PREP: variants seen among roughly 807,000 people sequenced by gnomAD.
PREP encodes the protein prolyl endopeptidase.
In PREP, 29 loss-of-function variants were observed where a neutral mutation model predicts 87.6. The ratio of observed to expected loss-of-function variants is 0.33; its 90% CI spans 0.25 to 0.45. The LOEUF is 0.45. Among genes scored for constraint, PREP ranks in the 20% least tolerant of loss-of-function variants. The pLI is 1.00. For missense variants in PREP, 695 were observed against 886.5 expected (o/e 0.78, Z 2.74); for synonymous variants, 337 against 328.6 (o/e 1.03, Z -0.28).
At chr6:105,339,208 C>A (rs996961676) in intron 7 of PREP, among the ~76,000 whole-genome samples, 1 of 152,192 alleles carries the variant, frequency 6.6e-6, no homozygotes, top group Non-Finnish European at 1.5e-5. Flanking sequence ...GATCAGGCAG[C>A]AACATTCGCC....
intron 4 of PREP, among the ~76,000 whole-genome samples, chr6:105,375,577 C>T (rs928455420): frequency 1.3e-5 from 2 of 152,186 alleles, no homozygotes; most frequent in Non-Finnish European, 2.9e-5. Flanking sequence ...AGTCTTTAAA[C>T]CTCCATCTTC....
At chr6:105,302,456 G>C in intron 10 of PREP, 1 of 274,476 alleles carries the variant, frequency 3.6e-6, no homozygotes, top group Admixed American at 4.8e-5. Flanking sequence ...GTGACGTTCA[G>C]GCGTTCACTG....
intron 2 of PREP, among the ~76,000 whole-genome samples, chr6:105,393,136 T>C (rs1773199870): frequency 6.6e-6 from 1 of 152,210 alleles, no homozygotes; most frequent in South Asian, 2.1e-4. Context: ...TAGCCATACC[T>C]TGCTGTAAAG....
At chr6:105,383,183 A>C (rs1772892176) in intron 2 of PREP, among the ~76,000 whole-genome samples, 1 of 152,138 alleles carries the variant, frequency 6.6e-6, no homozygotes, top group African/African-American at 2.4e-5. Flanking sequence ...ACGTCCAGAA[A>C]TGGAAACAAT....
intron 10 of PREP, among the ~76,000 whole-genome samples, chr6:105,292,622 C>G (rs2114619013): frequency 6.6e-6 from 1 of 152,260 alleles, no homozygotes; most frequent in Non-Finnish European, 1.5e-5. Context: ...GGCTTAGCCC[C>G]TAAGAAGAAA....
At chr6:105,392,138 G>A (rs1017046364) in intron 2 of PREP, among the ~76,000 whole-genome samples, 2 of 149,926 alleles carry the variant, frequency 1.3e-5, no homozygotes, top group South Asian at 4.2e-4. Context: ...TCTGCCTCCT[G>A]GGTTCACGCC....
chr6:105,288,743 G>T lies in PREP; in HGVS notation c.1454+15C>A, dbSNP rs1348619476. ...AAGATAAAATACTGGCACTCTGAGT[G>T]CGTTCCGAGCTCACCTGTAGTTGGG... On this transcript the variant is annotated intron_variant, in intron 11 of 14. Transcript: ENST00000652536. The T allele has an allele frequency of 6.2e-7, 1 of 1,613,090 alleles. No individual in the cohort carries two copies. Among genetic ancestry groups the T allele is most frequent in the African/African-American group, 1.3e-5 (1 of 74,938 alleles).
chr6:105,293,396 G>C (rs1466186084), intron 10 of PREP, among the ~76,000 whole-genome samples: 6 of 152,028 alleles, frequency 3.9e-5, no homozygotes, highest in African/African-American at 1.5e-4. Context: ...ATACGGGTGT[G>C]GTCTTATACC....
chr6:105,336,386 T>C (rs183701510), intron 7 of PREP, among the ~76,000 whole-genome samples: 1 of 152,248 alleles, frequency 6.6e-6, no homozygotes, highest in African/African-American at 2.4e-5. Flanking sequence ...AAATCTTCTA[T>C]ATATTTACTG....
chr6:105,284,154 A>G (rs2114612443), intron 12 of PREP, among the ~76,000 whole-genome samples: 1 of 152,314 alleles, frequency 6.6e-6, no homozygotes, highest in East Asian at 1.9e-4. Flanking sequence ...TGTAAACTCT[A>G]ATATCAGCTC....
At chr6:105,373,066 GAGCCAAGCCA>G (rs1342438133) in intron 5 of PREP, among the ~76,000 whole-genome samples, 1 of 152,206 alleles carries the variant, frequency 6.6e-6, no homozygotes, top group Non-Finnish European at 1.5e-5. Flanking sequence ...AAATGTAAAA[GAGCCAAGCCA>G]AGATGAACCA....
intron 1 of PREP, among the ~76,000 whole-genome samples, chr6:105,400,815 C>T (rs1773409553): frequency 2.0e-5 from 3 of 152,208 alleles, no homozygotes; most frequent in African/African-American, 4.8e-5. Context: ...GAGTACTGAG[C>T]ATATGGCTGA....
intron 10 of PREP, among the ~76,000 whole-genome samples, chr6:105,293,393 T>G (rs1336185914): frequency 6.6e-6 from 1 of 152,166 alleles, no homozygotes; most frequent in Non-Finnish European, 1.5e-5. Context: ...CTTATACGGG[T>G]GTGGTCTTAT....
intron 10 of PREP, among the ~76,000 whole-genome samples, chr6:105,322,010 G>C (rs1449092756): frequency 1.3e-5 from 2 of 152,108 alleles, no homozygotes; most frequent in Non-Finnish European, 2.9e-5. Context: ...GGGATACCCA[G>C]GCAAGGACCA....
chr6:105,393,754 G>GT (rs1462431983), intron 2 of PREP, among the ~76,000 whole-genome samples: 2 of 151,838 alleles, frequency 1.3e-5, no homozygotes, highest in African/African-American at 2.4e-5. Flanking sequence ...CTCTGATTTT[G>GT]TTTTATAAAG....
intron 4 of PREP, 89 bp from the exon 5 acceptor site, chr6:105,373,667 A>T: frequency 8.0e-7 from 1 of 1,254,122 alleles, no homozygotes; most frequent in Non-Finnish European, 1.1e-6. Context: ...CTCTTTCATA[A>T]CACGGAGGTA....
intron 2 of PREP, among the ~76,000 whole-genome samples, chr6:105,393,052 G>A (rs1773197405): frequency 6.6e-6 from 1 of 152,158 alleles, no homozygotes; most frequent in African/African-American, 2.4e-5. Flanking sequence ...AAGGTATGGT[G>A]GGTTTTTCAC....
chr6:105,362,648 C>G (rs17065860), intron 6 of PREP, among the ~76,000 whole-genome samples: 13,561 of 152,212 alleles, frequency 0.089, 703 homozygotes, highest in Middle Eastern at 0.18. Context: ...TCTAGCTTGG[C>G]TTTCTGACTT....
At chr6:105,359,962 T>C (rs893813698) in intron 6 of PREP, among the ~76,000 whole-genome samples, 3 of 152,164 alleles carry the variant, frequency 2.0e-5, no homozygotes, top group Non-Finnish European at 4.4e-5. Context: ...CAAATTTCTA[T>C]CTCAGAGTCT....
Sources: gnomAD v4.1 joint callset for allele counts (sites outside exome capture counted in the v4.1 genomes callset) on GRCh38, gnomAD v4.1.1 for gene constraint, MANE v1.5 for transcripts, NCBI Gene and HGNC (gene_info 2026-07-23, HGNC 2026-07-21) for gene names.